CD70: variants seen among roughly 807,000 people sequenced by gnomAD.
CD70 encodes the protein CD70 antigen.
CD70 carries 6 observed loss-of-function variants against 9.0 expected under a neutral mutation model. That is an observed-to-expected ratio of 0.67 (90% CI 0.37 to 1.32). CD70 has a LOEUF of 1.32. Among genes scored for constraint, CD70 ranks in the 40% most tolerant of loss-of-function variants. CD70 has a pLI of 0.02. For missense variants in CD70, 235 were observed against 258.7 expected (o/e 0.91, Z 0.63); for synonymous variants, 108 against 112.3 (o/e 0.96, Z 0.24).
At chr19:6,586,781 C>G (rs1916026117) in intron 2 of CD70, among the ~76,000 whole-genome samples, 1 of 147,700 alleles carries the variant, frequency 6.8e-6, no homozygotes, top group Non-Finnish European at 1.5e-5. Flanking sequence ...GCCTTGGTCA[C>G]AGAAACCCTG....
rs749109850 is a variant in CD70, at chr19:6,590,875, T to C, written c.128A>G (p.Gln43Arg). Reference sequence around the variant, plus strand: ...CTCGAGCGGCAGCTGCTGCTGAGCCTGTGCGAAGCGCTGGATGCACACCAC... The same window carrying C: ...CTCGAGCGGCAGCTGCTGCTGAGCCCGTGCGAAGCGCTGGATGCACACCAC... The part of the protein sequence containing the change: ...CLVVCIQRFA[Q>R]AQQQLPLESL... Residue 43 changes from glutamine to arginine, a missense_variant, in exon 1 of 3, where the codon CAG becomes CGG. By Grantham distance (43) the Gln-to-Arg change is conservative. Transcript: ENST00000245903. This position sits in a 1 kb window ranked among gnomAD's most constrained non-coding sequence, Gnocchi z 5.3. The C allele has an allele frequency of 1.2e-5, 19 of 1,613,928 alleles. No homozygotes were observed. The highest frequency in any genetic ancestry group is 1.5e-5 in the Non-Finnish European group (18 of 1,179,998).
Position 6,590,238 on chromosome 19 carries a change from C to T in CD70, c.163-102G>A. 1 of 871,412 alleles carries T rather than the reference C, an allele frequency of 1.1e-6. No individual in the cohort carries two copies. The highest frequency in any genetic ancestry group is 2.4e-5 in the East Asian group (1 of 41,202). 54.0% of individuals were successfully genotyped at this position (871,412 alleles called of 1,614,324 possible). On this transcript the variant is annotated intron_variant, in intron 1 of 2. Coordinates refer to ENST00000245903, the MANE Select transcript of CD70 (RefSeq NM_001252.5). This position sits in a 1 kb window ranked among gnomAD's most constrained non-coding sequence, Gnocchi z 5.3. ...TTTTCTCTGTCCATCCTCCTTTCCA[C>T]CTCTCATCCCACGGCGCGCACTGGT...
In CD70 at chr19:6,590,865, C is replaced by T. The variant is rs960367796; in HGVS notation, c.138G>A (p.Gln46=). The T allele has an allele frequency of 2.5e-6, 4 of 1,613,712 alleles. No individual in the cohort carries two copies. In the East Asian group the frequency reaches 8.9e-5, roughly 36 times the overall value. ...VCIQRFAQAQ[Q]QLPLESLGWD... ...CCCCAAGTGACTCGAGCGGCAGCTG[C>T]TGCTGAGCCTGTGCGAAGCGCTGGA... The change falls in exon 1 of 3, where the codon CAG becomes CAA. Residue 46 remains glutamine (Q), a synonymous_variant. Transcript: ENST00000245903. The surrounding 1 kb of genome is among the most constrained non-coding windows in gnomAD (Gnocchi z 5.3).
intron 2 of CD70, among the ~76,000 whole-genome samples, chr19:6,589,484 G>A (rs1184905168): frequency 1.3e-5 from 2 of 151,846 alleles, no homozygotes; most frequent in African/African-American, 4.8e-5. Flanking sequence ...CTGCCTCCCA[G>A]GTTCAGGCGA....
chr19:6,590,918 C>T lies in CD70; in HGVS notation c.85G>A (p.Gly29Ser), dbSNP rs909952305. ...CACACCACGAGGCAGATCACCAAGCCCGCGACCAATGGGACCAAAGCAGCC... is the reference window on the plus strand; with the variant it reads ...CACACCACGAGGCAGATCACCAAGCTCGCGACCAATGGGACCAAAGCAGCC... ...LRAALVPLVA[G>S]LVICLVVCIQ... The change falls in exon 1 of 3, where the codon GGC becomes AGC. Residue 29 changes from glycine to serine, a missense_variant. Transcript: ENST00000245903. The surrounding 1 kb of genome is among the most constrained non-coding windows in gnomAD (Gnocchi z 5.3). The T allele has an allele frequency of 1.1e-5, 18 of 1,614,014 alleles. No homozygotes were observed. The highest frequency in any genetic ancestry group is 1.4e-5 in the Non-Finnish European group (17 of 1,180,010).
chr19:6,590,935 A>T lies in CD70; in HGVS notation c.68T>A (p.Leu23Ter). The T allele has an allele frequency of 6.2e-7, 1 of 1,614,046 alleles. No individual in the cohort carries two copies. Among genetic ancestry groups the T allele is most frequent in the Non-Finnish European group, 8.5e-7 (1 of 1,179,978 alleles). Reference sequence around the variant, plus strand: ...CACCAAGCCCGCGACCAATGGGACCAAAGCAGCCCGCAGGACGCACCCATA... The same window carrying T: ...CACCAAGCCCGCGACCAATGGGACCTAAGCAGCCCGCAGGACGCACCCATA... ...RPYGCVLRAA[L>*]VPLVAGLVIC... is the part of the protein sequence containing the mutation. The change falls in exon 1 of 3, where the codon TTG (leucine) becomes TAG (stop). Residue 23 changes from leucine (L) to a stop codon, truncating the protein, a stop_gained. Coordinates refer to ENST00000245903, the MANE Select transcript of CD70 (RefSeq NM_001252.5). LOFTEE classifies it high-confidence loss of function. This position sits in a 1 kb window ranked among gnomAD's most constrained non-coding sequence, Gnocchi z 5.3.
intron 2 of CD70, among the ~76,000 whole-genome samples, chr19:6,588,120 A>G (rs921699235): frequency 1.3e-5 from 2 of 152,164 alleles, no homozygotes; most frequent in Non-Finnish European, 2.9e-5. Flanking sequence ...GAGACTGGCT[A>G]TCTTGTTAGG....
In CD70 at chr19:6,590,879, C is replaced by A. The variant is rs1179130540; in HGVS notation, c.124G>T (p.Ala42Ser). 1.2e-6 allele frequency: 2 copies of A among 1,613,988 alleles called. No homozygotes were observed. Among genetic ancestry groups the A allele is most frequent in the Non-Finnish European group, 1.7e-6 (2 of 1,179,950 alleles). Residue 42 changes from alanine (A) to serine (S), a missense_variant, in exon 1 of 3, where the codon GCA (alanine) becomes TCA (serine). Ala to Ser is a moderately conservative substitution (Grantham distance 99, BLOSUM62 1). Coordinates refer to ENST00000245903, the MANE Select transcript of CD70 (RefSeq NM_001252.5). This position sits in a 1 kb window ranked among gnomAD's most constrained non-coding sequence, Gnocchi z 5.3. Reference protein sequence around the residue: ...ICLVVCIQRFAQAQQQLPLES... With the variant: ...ICLVVCIQRFSQAQQQLPLES... Reference sequence around the variant, plus strand: ...AGCGGCAGCTGCTGCTGAGCCTGTGCGAAGCGCTGGATGCACACCACGAGG... The same window carrying A: ...AGCGGCAGCTGCTGCTGAGCCTGTGAGAAGCGCTGGATGCACACCACGAGG...
At chr19:6,589,883 T>C (rs1181397554) in intron 2 of CD70, among the ~76,000 whole-genome samples, 1 of 150,756 alleles carries the variant, frequency 6.6e-6, no homozygotes, top group Non-Finnish European at 1.5e-5. Context: ...TCTCTGTTCT[T>C]TTTTCTGTCT....
At position 6,586,248 on chromosome 19, in the gene CD70, C is replaced by A; in HGVS notation, c.354G>T (p.Thr118=). The change falls in exon 3 of 3, where the codon ACG becomes ACT. Residue 118 remains threonine, a synonymous_variant. Coordinates refer to ENST00000245903, the MANE Select transcript of CD70 (RefSeq NM_001252.5). ...TGGTGGGGTGGTGCCTGGAGGCCGT[C>A]GTGGAGGAGCAGATGGCCAGCGTCA... is the stretch of plus-strand genomic sequence containing the variant. ...IQVTLAICSS[T]TASRHHPTTL... 2 of 1,614,006 alleles carry A rather than the reference C, an allele frequency of 1.2e-6. No homozygotes were observed. The highest frequency in any genetic ancestry group is 1.7e-6 in the Non-Finnish European group (2 of 1,180,016).
Position 6,590,282 on chromosome 19 carries a change from T to A in CD70, c.163-146A>T. ...CACTGGTGATTTTATTTCATTTTAT[T>A]TTTTTTTACTCTTAAGACTTCTTAA... is the stretch of plus-strand genomic sequence containing the variant. On this transcript the variant is annotated intron_variant, in intron 1 of 2. Coordinates refer to ENST00000245903, the MANE Select transcript of CD70 (RefSeq NM_001252.5). This position sits in a 1 kb window ranked among gnomAD's most constrained non-coding sequence, Gnocchi z 5.3. 2 of 645,220 alleles carry A rather than the reference T, an allele frequency of 3.1e-6. No homozygotes were observed. The highest frequency in any genetic ancestry group is 3.9e-5 in the South Asian group (2 of 51,450). 40.0% of individuals were successfully genotyped at this position (645,220 alleles called of 1,614,324 possible). A position where few individuals can be genotyped will look rare whatever the true frequency, so the allele number is the denominator to read the frequency against.
In CD70 at chr19:6,591,037, G is replaced by C; in HGVS notation, c.-35C>G. ...GATCACCTCCGCTAGCGCAGGAGGG[G>C]CGATGGGGGCGCGGAGCGCTGCCGA... On this transcript the variant is annotated 5_prime_UTR_variant, in exon 1 of 3. Coordinates refer to ENST00000245903, the MANE Select transcript of CD70 (RefSeq NM_001252.5). 1 of 1,555,094 alleles carries C rather than the reference G, an allele frequency of 6.4e-7. No individual in the cohort carries two copies. Among genetic ancestry groups the C allele is most frequent in the Non-Finnish European group, 8.7e-7 (1 of 1,150,244 alleles).
chr19:6,587,279 C>A (rs934329825), intron 2 of CD70, among the ~76,000 whole-genome samples: 1 of 138,552 alleles, frequency 7.2e-6, no homozygotes, highest in Non-Finnish European at 1.5e-5. Flanking sequence ...AGAGAGAGCA[C>A]GAGAGAGCAG....
At chr19:6,588,348 C>T (rs1256397140) in intron 2 of CD70, among the ~76,000 whole-genome samples, 1 of 151,514 alleles carries the variant, frequency 6.6e-6, no homozygotes, top group Admixed American at 6.6e-5. Context: ...AGAAAGGGGC[C>T]TCAAGACCAA....
intron 2 of CD70, among the ~76,000 whole-genome samples, chr19:6,589,862 C>T (rs1423536094): frequency 6.6e-6 from 1 of 150,570 alleles, no homozygotes; most frequent in Non-Finnish European, 1.5e-5. Context: ...CGTCTGTCCC[C>T]TCTGTCCCTC....
chr19:6,584,368 G>C (rs550709403), downstream of CD70, among the ~76,000 whole-genome samples: 1 of 151,676 alleles, frequency 6.6e-6, no homozygotes, highest in Non-Finnish European at 1.5e-5. Context: ...TTAGCCGGAC[G>C]TGGTGGCGGA....
chr19:6,583,995 G>A (rs1483142320), downstream of CD70, among the ~76,000 whole-genome samples: 2 of 150,918 alleles, frequency 1.3e-5, no homozygotes, highest in African/African-American at 2.4e-5. Context: ...GTTTTACCAC[G>A]TCGGCCAGGC....
At chr19:6,586,938 G>T (rs1465338874) in intron 2 of CD70, among the ~76,000 whole-genome samples, 1 of 149,732 alleles carries the variant, frequency 6.7e-6, no homozygotes, top group East Asian at 2.0e-4. Flanking sequence ...ACAGACAAGG[G>T]TAAAGATAGA....
chr19:6,588,779 GCT>G (rs1283004537), intron 2 of CD70, among the ~76,000 whole-genome samples: 1 of 152,062 alleles, frequency 6.6e-6, no homozygotes, highest in Non-Finnish European at 1.5e-5. Context: ...ACGTGGCATT[GCT>G]CTGTTTTTCA....
Sources: gnomAD v4.1 joint callset for allele counts (sites outside exome capture counted in the v4.1 genomes callset) on GRCh38, gnomAD v4.1.1 for gene constraint, Gnocchi (gnomAD v3.1) non-coding constraint, MANE v1.5 for transcripts, NCBI Gene and HGNC (gene_info 2026-07-23, HGNC 2026-07-21) for gene names.